ARG1: variants seen among roughly 807,000 people sequenced by gnomAD.
ARG1 encodes the protein arginase-1.
A neutral mutation model predicts 33.0 loss-of-function variants in ARG1; 20 were observed. That is an observed-to-expected ratio of 0.61 (90% CI 0.43 to 0.88). The LOEUF is 0.88. Among genes scored for constraint, ARG1 ranks in the 40% least tolerant of loss-of-function variants. The pLI, the probability that ARG1 is intolerant of heterozygous loss-of-function variation, is 0.00. For synonymous variants in ARG1, 146 were observed against 140.6 expected, an observed-to-expected ratio of 1.04 and a Z score of -0.27; for missense variants, 374 against 384.7, an observed-to-expected ratio of 0.97 and a Z score of 0.23.
intron 6 of ARG1, 86 bp from the exon 7 acceptor site, chr6:131,583,269 T>C: frequency 5.6e-6 from 9 of 1,607,810 alleles, no homozygotes. Flanking sequence ...GGGTTGCTAC[T>C]TTTTATAAAA....
chr6:131,582,776 T>G lies in ARG1; in HGVS notation c.560+61T>G, dbSNP rs186112394. 5.7e-5 allele frequency: 78 copies of G among 1,372,218 alleles called. No individual in the cohort carries two copies. In the Admixed American group the frequency reaches 1.3e-3, roughly 22 times the overall value. 85.0% of individuals were successfully genotyped at this position (1,372,218 alleles called of 1,614,324 possible). A position where few individuals can be genotyped will look rare whatever the true frequency, so the allele number is the denominator to read the frequency against. On this transcript the variant is annotated intron_variant, in intron 5 of 7. Transcript: ENST00000368087. ...TTGTCCCTTTGTGTGCTAGATATGC[T>G]TTACTGACCAACTCTATGAGAGAAA...
chr6:131,582,064 CT>C (rs1773955128), intron 4 of ARG1, among the ~76,000 whole-genome samples: 1 of 152,028 alleles, frequency 6.6e-6, no homozygotes, highest in African/African-American at 2.4e-5. Flanking sequence ...ATATTTGGTC[CT>C]TATGATGATA....
chr6:131,577,902 T>A, intron 2 of ARG1, among the ~76,000 whole-genome samples: 2 of 114,066 alleles, frequency 1.8e-5, no homozygotes, highest in Non-Finnish European at 1.7e-5. Context: ...AGACTCCATC[T>A]CCAAAAAAAA....
intron 3 of ARG1, chr6:131,579,676 A>G (rs950718416): frequency 6.2e-6 from 1 of 160,310 alleles, no homozygotes; most frequent in Non-Finnish European, 1.4e-5. Flanking sequence ...AAAAGTAATG[A>G]TCATAACATT....
At chr6:131,580,084 T>C (rs1026407098) in intron 3 of ARG1, among the ~76,000 whole-genome samples, 1 of 152,222 alleles carries the variant, frequency 6.6e-6, no homozygotes, top group African/African-American at 2.4e-5. Flanking sequence ...ACCATTTTTG[T>C]GCATGAGCCT....
At position 131,583,347 on chromosome 6, in the gene ARG1, C is replaced by T. The variant is rs1158089291; in HGVS notation, c.666-8C>T. On this transcript the variant is annotated splice_polypyrimidine_tract_variant and splice_region_variant and intron_variant, in intron 6 of 7. Coordinates refer to ENST00000368087, the MANE Select transcript of ARG1 (RefSeq NM_000045.4). ...CTTAAACTGAAATCCTTTCCCACTT[C>T]TTAAAAGAAAGAAAAGGCCAATTCA... 6.2e-7 allele frequency: 1 copy of T among 1,614,120 alleles called. No homozygotes were observed. Among genetic ancestry groups the T allele is most frequent in the African/African-American group, 1.3e-5 (1 of 75,058 alleles).
At chr6:131,573,666 T>C (rs879803031) in intron 1 of ARG1, among the ~76,000 whole-genome samples, 1 of 152,214 alleles carries the variant, frequency 6.6e-6, no homozygotes, top group Non-Finnish European at 1.5e-5. Context: ...TTAGTTGCTC[T>C]TGTTGTTTTT....
chr6:131,575,125 A>G (rs1395246302), intron 1 of ARG1, among the ~76,000 whole-genome samples: 2 of 152,218 alleles, frequency 1.3e-5, no homozygotes, highest in Non-Finnish European at 2.9e-5. Flanking sequence ...AAAACAAATA[A>G]AAAAGAATTC....
intron 4 of ARG1, among the ~76,000 whole-genome samples, chr6:131,582,393 C>A (rs1773971525): frequency 6.6e-6 from 1 of 152,130 alleles, no homozygotes; most frequent in East Asian, 1.9e-4. Context: ...AAGGGCCCAG[C>A]AGGACTGGGG....
Position 131,583,090 on chromosome 6 carries a change from C to CTT in ARG1, c.594_595dup (p.Ser199PhefsTer3), listed in dbSNP as rs1337890012. 3.1e-6 allele frequency: 5 copies of CTT among 1,613,544 alleles called. No homozygotes were observed. Among genetic ancestry groups the CTT allele is most frequent in the Non-Finnish European group, 4.2e-6 (5 of 1,179,648 alleles). ...TTTTGAAAACTCTAGGCATTAAATA[C>CTT]TTTTCAATGACTGAAGTGGACAGAC... is the stretch of plus-strand genomic sequence containing the variant. On this transcript the variant is annotated frameshift_variant, in exon 6 of 8. Transcript: ENST00000368087. LOFTEE classifies it high-confidence loss of function.
At position 131,584,055 on chromosome 6, in the gene ARG1, G is replaced by A; in HGVS notation, c.*147G>A. On this transcript the variant is annotated 3_prime_UTR_variant, in exon 8 of 8. Transcript: ENST00000368087. ...GTATAAACTCTACAAATTCCCTCTT[G>A]GTGTAAAATTCAAGATGTGGAAATT... 2 of 889,168 alleles carry A rather than the reference G, an allele frequency of 2.2e-6. No homozygotes were observed. Among genetic ancestry groups the A allele is most frequent in the African/African-American group, 1.7e-5 (1 of 58,380 alleles). 55.1% of individuals were successfully genotyped at this position (889,168 alleles called of 1,614,324 possible). A position where few individuals can be genotyped will look rare whatever the true frequency, so the allele number is the denominator to read the frequency against.
At chr6:131,583,277 A>G in intron 6 of ARG1, 78 bp from the exon 7 acceptor site, 1 of 1,609,466 alleles carries the variant, frequency 6.2e-7, no homozygotes, top group Non-Finnish European at 8.5e-7. Flanking sequence ...ACTTTTTATA[A>G]AACAAGTTAA....
chr6:131,582,193 C>T (rs937628366), intron 4 of ARG1, among the ~76,000 whole-genome samples: 17 of 152,156 alleles, frequency 1.1e-4, no homozygotes, highest in Non-Finnish European at 1.5e-4. Context: ...AAAAACTAAA[C>T]GTCCTGGAGG....
intron 7 of ARG1, 45 bp from the exon 8 acceptor site, chr6:131,583,697 T>C (rs1774056690): frequency 6.3e-7 from 1 of 1,595,016 alleles, no homozygotes. Context: ...ACTTTCAAAA[T>C]GTCAACTATT....
chr6:131,578,245 T>C (rs1186777170), intron 2 of ARG1, among the ~76,000 whole-genome samples: 1 of 150,862 alleles, frequency 6.6e-6, no homozygotes, highest in Non-Finnish European at 1.5e-5. Context: ...GCTTGGGTAA[T>C]GGACTTGTCC....
chr6:131,578,098 G>C (rs1302962104), intron 2 of ARG1, among the ~76,000 whole-genome samples: 1 of 151,658 alleles, frequency 6.6e-6, no homozygotes, highest in East Asian at 1.9e-4. Flanking sequence ...TACCTCTAAA[G>C]GGGCAGGATG....
intron 5 of ARG1, among the ~76,000 whole-genome samples, 158 bp downstream of exon 5, chr6:131,582,873 A>T (rs913234389): frequency 6.6e-6 from 1 of 152,178 alleles, no homozygotes; most frequent in Admixed American, 6.5e-5. Flanking sequence ...ATACATATGT[A>T]TGTATCCAGG....
At position 131,583,905 on chromosome 6, in the gene ARG1, G is replaced by A; in HGVS notation, c.966G>A (p.Lys322=). The A allele has an allele frequency of 6.2e-7, 1 of 1,613,914 alleles. No homozygotes were observed. Among genetic ancestry groups the A allele is most frequent in the Non-Finnish European group, 8.5e-7 (1 of 1,179,918 alleles). The part of the protein sequence containing the change: ...HKPIDYLNPP[K] Reference sequence around the variant, plus strand: ...CTATTGACTACCTTAACCCACCTAAGTAAATGTGGAAACATCCGATATAAA... The same window carrying A: ...CTATTGACTACCTTAACCCACCTAAATAAATGTGGAAACATCCGATATAAA... The change falls in exon 8 of 8, where the codon AAG becomes AAA. Residue 322 remains lysine, a synonymous_variant. Transcript: ENST00000368087.
intron 4 of ARG1, among the ~76,000 whole-genome samples, chr6:131,581,613 T>G (rs1473769303): frequency 6.6e-6 from 1 of 152,176 alleles, no homozygotes; most frequent in Admixed American, 6.6e-5. Flanking sequence ...ATCCTTTTAG[T>G]AGGTGGGGCA....
Sources: allele counts gnomAD v4.1 joint callset (sites outside exome capture counted in the v4.1 genomes callset), GRCh38; gene constraint gnomAD v4.1.1; transcripts MANE v1.5; gene names NCBI Gene and HGNC (gene_info 2026-07-23, HGNC 2026-07-21).